ADAMTS2: variants seen among roughly 807,000 people sequenced by gnomAD.
ADAMTS2 encodes ADAM metallopeptidase with thrombospondin type 1 motif 2, also known as A disintegrin and metalloproteinase with thrombospondin motifs 2.
Under a neutral mutation model 123.0 loss-of-function variants are expected in ADAMTS2, and 50 were observed. The observed-to-expected ratio is 0.41, with a 90% CI of 0.32 to 0.51. The LOEUF (loss-of-function observed/expected upper bound fraction) is 0.51, where lower values mean the gene tolerates loss of function less well. Among genes scored for constraint, ADAMTS2 ranks in the 20% least tolerant of loss-of-function variants. The probability of loss-of-function intolerance (pLI) is 0.35; values close to 1 mark genes in which losing one functional copy is unlikely to be tolerated. For missense variants in ADAMTS2, 1,494 were observed against 1,705.2 expected, an observed-to-expected ratio of 0.88 and a Z score of 2.18; for synonymous variants, 678 against 695.4, an observed-to-expected ratio of 0.98 and a Z score of 0.39.
In ADAMTS2 at chr5:179,125,266, C is replaced by T. The variant is rs545681714; in HGVS notation, c.2751-86G>A. Reference sequence around the variant, plus strand: ...GAGCTCCAGCGCCGCTCCCTGCAGCCCAGGTAGACAGCGAGCACAGAGGGC... The same window carrying T: ...GAGCTCCAGCGCCGCTCCCTGCAGCTCAGGTAGACAGCGAGCACAGAGGGC... On this transcript the variant is annotated intron_variant, in intron 18 of 21. Coordinates refer to ENST00000251582, the MANE Select transcript of ADAMTS2 (RefSeq NM_014244.5). 3 of 1,285,814 alleles carry T rather than the reference C, an allele frequency of 2.3e-6. No homozygotes were observed. In the East Asian group the frequency reaches 7.0e-5, roughly 30 times the overall value. 79.7% of individuals were successfully genotyped at this position (1,285,814 alleles called of 1,614,324 possible). A position where few individuals can be genotyped will look rare whatever the true frequency, so the allele number is the denominator to read the frequency against.
rs1018801576 is a variant in ADAMTS2, at chr5:179,116,277, C to T, written c.3179-1953G>A. ...ACCACGGCACCCCCCCCCCACCCCCCGCCACTTGAAGTCCCTGACCTGTCC... is the reference window on the plus strand; with the variant it reads ...ACCACGGCACCCCCCCCCCACCCCCTGCCACTTGAAGTCCCTGACCTGTCC... On this transcript the variant is annotated intron_variant, in intron 21 of 21. Coordinates refer to ENST00000251582, the MANE Select transcript of ADAMTS2 (RefSeq NM_014244.5). 1.9e-4 allele frequency among the ~76,000 whole-genome samples: 27 copies of T among 138,834 alleles called. 1 individual carries two copies. The highest frequency in any genetic ancestry group is 8.3e-4 in the South Asian group (3 of 3,604). The allele number at this position is 138,834 out of a possible 152,430, so 91.1% of individuals were successfully genotyped here. A position where few individuals can be genotyped will look rare whatever the true frequency, so the allele number is the denominator to read the frequency against.
intron 6 of ADAMTS2, among the ~76,000 whole-genome samples, chr5:179,157,237 A>G (rs892725829): frequency 1.3e-5 from 2 of 152,072 alleles, no homozygotes; most frequent in African/African-American, 4.8e-5. Flanking sequence ...GGAGTGAGCC[A>G]CCACACCCAG....
chr5:179,300,565 C>T (rs916689658), intron 2 of ADAMTS2, among the ~76,000 whole-genome samples: 1 of 152,164 alleles, frequency 6.6e-6, no homozygotes, highest in Non-Finnish European at 1.5e-5. Context: ...CTTTTGTCCC[C>T]GTCCCCCTGA....
intron 2 of ADAMTS2, among the ~76,000 whole-genome samples, chr5:179,296,118 AT>A (rs1023353554): frequency 4.6e-5 from 7 of 152,214 alleles, no homozygotes; most frequent in African/African-American, 1.7e-4. Flanking sequence ...AAGCAGGAGG[AT>A]GGGGGAGGCC....
rs937026353 is a variant in ADAMTS2 at position 179,185,569 on chromosome 5, A to G, written c.892-4414T>C. ...AAGAAGGAATCTTGTGTCCTTCTGA[A>G]CATTGAGCAGATCTAATCCTGCTCC... On this transcript the variant is annotated intron_variant, in intron 4 of 21. Coordinates refer to ENST00000251582, the MANE Select transcript of ADAMTS2 (RefSeq NM_014244.5). This position sits in a 1 kb window ranked among gnomAD's most constrained non-coding sequence, Gnocchi z 5.9. Among the ~76,000 whole-genome samples, 2 of 152,088 alleles carry G rather than the reference A, an allele frequency of 1.3e-5. No homozygotes were observed. Among genetic ancestry groups the G allele is most frequent in the Non-Finnish European group, 2.9e-5 (2 of 68,002 alleles).
intron 3 of ADAMTS2, among the ~76,000 whole-genome samples, chr5:179,269,516 C>G (rs1157887798): frequency 6.6e-6 from 1 of 152,116 alleles, no homozygotes; most frequent in African/African-American, 2.4e-5. Context: ...TCTCGTGAGA[C>G]CCACTCACCA....
At position 179,154,831 on chromosome 5, in the gene ADAMTS2, G is replaced by A; in HGVS notation, c.1221C>T (p.Ala407=). 1 of 1,612,276 alleles carries A rather than the reference G, an allele frequency of 6.2e-7. No individual in the cohort carries two copies. Among genetic ancestry groups the A allele is most frequent in the South Asian group, 1.1e-5 (1 of 90,530 alleles). Residue 407 remains alanine (A), a synonymous_variant, in exon 7 of 22, where the codon GCC becomes GCT. Transcript: ENST00000251582. ...EDGFSSAFVV[A]HETGHVLGME... is the part of the protein sequence containing the mutation. ...CCACTTACACGTGGCCAGTCTCATG[G>A]GCCACCACAAACGCTGAGGAGAAGC...
intron 5 of ADAMTS2, among the ~76,000 whole-genome samples, chr5:179,168,566 TACAA>T (rs1364753937): frequency 1.3e-5 from 2 of 152,230 alleles, no homozygotes; most frequent in African/African-American, 4.8e-5. Context: ...GAAGAAGCTC[TACAA>T]ACAGTCACTT....
chr5:179,114,470 G>A lies in ADAMTS2; in HGVS notation c.3179-146C>T. 4 of 811,530 alleles carry A rather than the reference G, an allele frequency of 4.9e-6. No individual in the cohort carries two copies. In the South Asian group the frequency reaches 6.1e-5, roughly 12 times the overall value. 50.3% of individuals were successfully genotyped at this position (811,530 alleles called of 1,614,324 possible). ...TGAGCCCAGGCAGAAAGTCTGTGTG[G>A]GTTCAGTGTCAAAGCATCCCCAGTG... On this transcript the variant is annotated intron_variant, in intron 21 of 21. Transcript: ENST00000251582.
intron 2 of ADAMTS2, among the ~76,000 whole-genome samples, chr5:179,330,406 C>T (rs1324487103): frequency 2.0e-5 from 3 of 152,244 alleles, no homozygotes; most frequent in Admixed American, 6.5e-5. Flanking sequence ...AAGGCCACAG[C>T]GTAGTCACCA....
At position 179,188,959 on chromosome 5, in the gene ADAMTS2, C is replaced by T. The variant is rs1282845936; in HGVS notation, c.892-7804G>A. Among the ~76,000 whole-genome samples, 1 of 152,164 alleles carries T rather than the reference C, an allele frequency of 6.6e-6. No individual in the cohort carries two copies. The highest frequency in any genetic ancestry group is 2.4e-5 in the African/African-American group (1 of 41,450). ...TACTAACGACGGCAAGAGGCTGCCC[C>T]TCCCCCTCTCCTGAATTTGGGGGGT... is the stretch of plus-strand genomic sequence containing the variant. On this transcript the variant is annotated intron_variant, in intron 4 of 21. Coordinates refer to ENST00000251582, the MANE Select transcript of ADAMTS2 (RefSeq NM_014244.5). The surrounding 1 kb of genome is among the most constrained non-coding windows in gnomAD (Gnocchi z 5.1).
chr5:179,137,971 G>A (rs776717951), intron 11 of ADAMTS2, 27 bp from the exon 12 acceptor site: 16 of 1,539,692 alleles, frequency 1.0e-5, no homozygotes, highest in East Asian at 2.4e-5. Context: ...AGGCCTTGCC[G>A]CTCCGTGCCA....
chr5:179,140,112 A>G (rs370858851), intron 10 of ADAMTS2, 77 bp from the exon 11 acceptor site: 3 of 1,604,114 alleles, frequency 1.9e-6, no homozygotes, highest in Non-Finnish European at 8.5e-7. Context: ...TGCAGCCTGC[A>G]GTGTCTGGGA....
chr5:179,339,130 C>T (rs1457705634), intron 2 of ADAMTS2, among the ~76,000 whole-genome samples: 1 of 152,226 alleles, frequency 6.6e-6, no homozygotes, highest in Admixed American at 6.5e-5. Flanking sequence ...TGATAGGCCC[C>T]TCTTCATTCC....
In ADAMTS2 at chr5:179,343,869, G is replaced by C; in HGVS notation, c.432C>G (p.Gly144=). Residue 144 remains glycine (G), a synonymous_variant, in exon 2 of 22, where the codon GGC becomes GGG. Transcript: ENST00000251582. The part of the protein sequence containing the change: ...GATMEWQGEK[G]TTRVEPLLGS... ...CGAGCAGGGGCTCCACGCGGGTGGT[G>C]CCCTTCTCGCCCTGCCACTCCATAG... 6.3e-7 allele frequency: 1 copy of C among 1,592,052 alleles called. No individual in the cohort carries two copies. The highest frequency in any genetic ancestry group is 1.8e-5 in the Admixed American group (1 of 55,096).
rs1756738563 is a variant in ADAMTS2 at position 179,308,544 on chromosome 5, TAGAC to T, written c.534+35219_534+35222del. Among the ~76,000 whole-genome samples the T allele has an allele frequency of 6.6e-6, 1 of 152,150 alleles. No homozygotes were observed. Among genetic ancestry groups the T allele is most frequent in the Non-Finnish European group, 1.5e-5 (1 of 68,020 alleles). The stretch of plus-strand genomic sequence containing the variant: ...TGACCATGCCTGCAGGCCCCCATAA[TAGAC>T]AGCCTCATTTTTTTTTTCTAGGCAA... On this transcript the variant is annotated intron_variant, in intron 2 of 21. Transcript: ENST00000251582. This position sits in a 1 kb window ranked among gnomAD's most constrained non-coding sequence, Gnocchi z 6.6.
rs997766064 is a variant in ADAMTS2 at position 179,189,602 on chromosome 5, C to T, written c.892-8447G>A. ...TTGATCTCCTGACTTCATGATCTGC[C>T]CGCCTCGGCCTCCCAAAGTGCTGGG... On this transcript the variant is annotated intron_variant, in intron 4 of 21. Transcript: ENST00000251582. This position sits in a 1 kb window ranked among gnomAD's most constrained non-coding sequence, Gnocchi z 4.2. 2.0e-5 allele frequency among the ~76,000 whole-genome samples: 3 copies of T among 148,340 alleles called. No homozygotes were observed. The highest frequency in any genetic ancestry group is 2.0e-4 in the East Asian group (1 of 5,066).
In ADAMTS2 at chr5:179,113,952, G is replaced by T. The variant is rs150989902; in HGVS notation, c.3551C>A (p.Pro1184Gln). Reference protein sequence around the residue: ...VQPPNLIPRRPSPYEKTRNQR... With the variant: ...VQPPNLIPRRQSPYEKTRNQR... ...GTTTCTGGTCTTTTCATAGGGGCTC[G>T]GTCGTCGAGGGATTAGGTTGGGTGG... Residue 1184 changes from proline (P) to glutamine (Q), a missense_variant, in exon 22 of 22, where the codon CCG (proline) becomes CAG (glutamine). Transcript: ENST00000251582. 1 of 1,613,962 alleles carries T rather than the reference G, an allele frequency of 6.2e-7. No individual in the cohort carries two copies. Among genetic ancestry groups the T allele is most frequent in the African/African-American group, 1.3e-5 (1 of 74,902 alleles).
intron 2 of ADAMTS2, among the ~76,000 whole-genome samples, chr5:179,291,046 G>A (rs1756172456): frequency 6.6e-6 from 1 of 152,228 alleles, no homozygotes; most frequent in Non-Finnish European, 1.5e-5. Flanking sequence ...GGTTGCTTCA[G>A]GTCTCAGTGA....
Sources: allele counts gnomAD v4.1 joint callset (sites outside exome capture counted in the v4.1 genomes callset), GRCh38; gene constraint gnomAD v4.1.1; non-coding constraint Gnocchi (gnomAD v3.1); transcripts MANE v1.5; gene names NCBI Gene and HGNC (gene_info 2026-07-23, HGNC 2026-07-21).